The following KCNMA1 variants were observed in gnomAD, a reference collection of about 807,000 sequenced individuals.
KCNMA1 encodes the protein Calcium-activated potassium channel subunit alpha-1.
In KCNMA1, 29 loss-of-function variants were observed where a neutral mutation model predicts 140.0. The ratio of observed to expected loss-of-function variants is 0.21; its 90% CI spans 0.15 to 0.28. The LOEUF is 0.28. Among genes scored for constraint, KCNMA1 ranks in the 10% least tolerant of loss-of-function variants. The pLI, the probability that KCNMA1 is intolerant of heterozygous loss-of-function variation, is 1.00. For synonymous variants in KCNMA1, 612 were observed against 611.9 expected (o/e 1.00, Z 0.00); for missense variants, 880 against 1,602.2 (o/e 0.55, Z 7.70).
At chr10:77,207,580 C>T (rs2044554043) in intron 3 of KCNMA1, among the ~76,000 whole-genome samples, 1 of 152,146 alleles carries the variant, frequency 6.6e-6, no homozygotes, top group African/African-American at 2.4e-5. Context: ...ATCAGAATCC[C>T]CTAATGATAG....
At chr10:77,037,709 C>G (rs190185093) in intron 15 of KCNMA1, among the ~76,000 whole-genome samples, 1 of 152,300 alleles carries the variant, frequency 6.6e-6, no homozygotes, top group East Asian at 1.9e-4. Flanking sequence ...ACATAAGACT[C>G]CCGCAGGCGC....
rs776844347 is a variant in KCNMA1, at chr10:76,953,905, G to A, written c.2380C>T (p.Pro794Ser). The change falls in exon 21 of 28, where the codon CCT becomes TCT. Residue 794 changes from proline to serine, a missense_variant. Coordinates refer to ENST00000286628, the MANE Select transcript of KCNMA1 (RefSeq NM_001161352.2). ...ATGTTGTCAATCTGATCATTGCCAG[G>A]AATTAACAAGGGGTCATGCCTGGGA... Reference protein sequence around the residue: ...KLMRHDPLLIPGNDQIDNMDS... With the variant: ...KLMRHDPLLISGNDQIDNMDS... The A allele has an allele frequency of 6.2e-7, 1 of 1,614,038 alleles. No homozygotes were observed.
intron 2 of KCNMA1, among the ~76,000 whole-genome samples, chr10:77,342,976 G>A (rs1442518033): frequency 6.6e-6 from 1 of 152,146 alleles, no homozygotes; most frequent in Non-Finnish European, 1.5e-5. Context: ...CGAGAGCTTT[G>A]ACCTTGAGAA....
intron 5 of KCNMA1, among the ~76,000 whole-genome samples, chr10:77,129,613 G>T (rs2097811402): frequency 1.3e-5 from 2 of 152,058 alleles, no homozygotes; most frequent in Admixed American, 6.6e-5. Flanking sequence ...TTAAGATTTT[G>T]GGGGAAAAGT....
intron 1 of KCNMA1, among the ~76,000 whole-genome samples, chr10:77,421,868 T>A (rs1403612139): frequency 6.6e-6 from 1 of 152,204 alleles, no homozygotes; most frequent in Non-Finnish European, 1.5e-5. Context: ...TCATAAAAAT[T>A]CACTGAATGC....
intron 2 of KCNMA1, among the ~76,000 whole-genome samples, chr10:77,367,408 T>G (rs575420151): frequency 1.3e-5 from 2 of 152,304 alleles, no homozygotes; most frequent in South Asian, 2.1e-4. Context: ...AATCTGCATG[T>G]TACGATGTTT....
chr10:76,891,232 G>T (rs1375414090), intron 26 of KCNMA1, among the ~76,000 whole-genome samples: 1 of 152,202 alleles, frequency 6.6e-6, no homozygotes, highest in African/African-American at 2.4e-5. Flanking sequence ...AGGATGCCTT[G>T]GTGCAAATTC....
In KCNMA1 at chr10:77,081,994, CTTTTTTTCTTTTCTTTTTTTTTTT is replaced by C. The variant is rs1258892357; in HGVS notation, c.1524-2468_1524-2445del. ...TGATACTACCTTTGACCAGTAATTTCTTTTTTTCTTTTCTTTTTTTTTTTTTTTTTTTTTTTTTTTTTTTTTTTA... is the reference window on the plus strand; with the variant it reads ...TGATACTACCTTTGACCAGTAATTTCTTTTTTTTTTTTTTTTTTTTTTTTA... On this transcript the variant is annotated intron_variant, in intron 12 of 27. Transcript: ENST00000286628. 3.9e-3 allele frequency among the ~76,000 whole-genome samples: 265 copies of C among 68,534 alleles called. 10 individuals carry two copies. Among genetic ancestry groups the C allele is most frequent in the South Asian group, 0.016 (33 of 2,106 alleles). 45.0% of individuals were successfully genotyped at this position (68,534 alleles called of 152,430 possible).
Position 77,090,875 on chromosome 10 carries a change from C to T in KCNMA1, c.1224-365G>A, listed in dbSNP as rs1343879388. 4 of 318,568 alleles carry T rather than the reference C, an allele frequency of 1.3e-5. No individual in the cohort carries two copies. The South Asian group carries it at 1.4e-4, about 12-fold the overall frequency. The allele number at this position is 318,568 out of a possible 1,614,324, so 19.7% of individuals were successfully genotyped here. On this transcript the variant is annotated intron_variant, in intron 9 of 27. Transcript: ENST00000286628. Reference sequence around the variant, plus strand: ...ATTCATATCTCTCCCTTTCTGCCCACAAAGCGTCCTCCGGGGAGATTTACT... The same window carrying T: ...ATTCATATCTCTCCCTTTCTGCCCATAAAGCGTCCTCCGGGGAGATTTACT...
rs764253590 is a variant in KCNMA1 at position 77,073,255 on chromosome 10, G to A, written c.1594-3C>T. The A allele has an allele frequency of 6.2e-7, 1 of 1,613,952 alleles. No homozygotes were observed. Among genetic ancestry groups the A allele is most frequent in the Non-Finnish European group, 8.5e-7 (1 of 1,179,838 alleles). On this transcript the variant is annotated splice_region_variant and splice_polypyrimidine_tract_variant and intron_variant, in intron 13 of 27. Coordinates refer to ENST00000286628, the MANE Select transcript of KCNMA1 (RefSeq NM_001161352.2). ...CTCGGGATGTTTAGCAGATGGGCCT[G>A]GGGAAAGAAAAGCAGGTATGAGACC...
chr10:77,111,811 C>G (rs906573501), intron 7 of KCNMA1, among the ~76,000 whole-genome samples: 1 of 152,200 alleles, frequency 6.6e-6, no homozygotes, highest in Admixed American at 6.5e-5. Flanking sequence ...GCTGTGCTCT[C>G]TAAAAGCAGG....
intron 2 of KCNMA1, among the ~76,000 whole-genome samples, chr10:77,325,669 A>G: frequency 6.6e-6 from 1 of 152,000 alleles, no homozygotes; most frequent in Non-Finnish European, 1.5e-5. Context: ...CTAACTTCTC[A>G]TGATCGCTTC....
chr10:76,871,342 A>T (rs1448322348), exon 28 of KCNMA1: 1 of 152,636 alleles, frequency 6.6e-6, no homozygotes, highest in Admixed American at 6.5e-5. Flanking sequence ...CTATTCCTCC[A>T]CATGGTTCTG....
intron 1 of KCNMA1, among the ~76,000 whole-genome samples, chr10:77,495,909 A>T (rs1275520550): frequency 6.6e-6 from 1 of 152,176 alleles, no homozygotes; most frequent in Non-Finnish European, 1.5e-5. Flanking sequence ...GTAGTTGCTC[A>T]TGGAAAGCCA....
At chr10:77,089,033 A>G (rs1199042020) in intron 10 of KCNMA1, among the ~76,000 whole-genome samples, 1 of 152,174 alleles carries the variant, frequency 6.6e-6, no homozygotes, top group East Asian at 1.9e-4. Flanking sequence ...GAACTTTCCA[A>G]AACGCTCAGT....
intron 1 of KCNMA1, among the ~76,000 whole-genome samples, chr10:77,537,914 T>TA (rs2059277117): frequency 1.3e-5 from 2 of 152,040 alleles, no homozygotes; most frequent in African/African-American, 2.4e-5. Context: ...CCACGCCCGT[T>TA]ATGATGATGG....
chr10:77,183,277 A>T, intron 5 of KCNMA1, 144 bp downstream of exon 5: 2 of 700,440 alleles, frequency 2.9e-6, no homozygotes, highest in Admixed American at 4.2e-5. Flanking sequence ...GCCACCATCA[A>T]CTTCTAAAAC....
rs1012276038 is a variant in KCNMA1, at chr10:77,572,953, G to A, written c.378+64312C>T. 4.6e-5 allele frequency among the ~76,000 whole-genome samples: 7 copies of A among 151,992 alleles called. No individual in the cohort carries two copies. The South Asian group carries it at 8.3e-4, about 18-fold the overall frequency. On this transcript the variant is annotated intron_variant, in intron 1 of 27. Transcript: ENST00000286628. ...CACTAACATTTCTTCAATGACACAC[G>A]ACAATTCAGACTAAGCTGGATGAAT...
chr10:77,568,721 G>A (rs2069464891), intron 1 of KCNMA1, among the ~76,000 whole-genome samples: 2 of 149,422 alleles, frequency 1.3e-5, no homozygotes, highest in East Asian at 2.0e-4. Flanking sequence ...CATAGTGTTG[G>A]AAGTTCTGGC....
Sources: allele counts gnomAD v4.1 joint callset (sites outside exome capture counted in the v4.1 genomes callset), GRCh38; gene constraint gnomAD v4.1.1; transcripts MANE v1.5; gene names NCBI Gene and HGNC (gene_info 2026-07-23, HGNC 2026-07-21).